Variants in KCNIP1 observed in about 807,000 individuals in gnomAD.
The protein encoded by KCNIP1 is potassium voltage-gated channel interacting protein 1.
A neutral mutation model predicts 33.0 loss-of-function variants in KCNIP1; 18 were observed. That is an observed-to-expected ratio of 0.55 (90% confidence interval 0.38 to 0.81). The LOEUF (loss-of-function observed/expected upper bound fraction) is 0.81, where lower values mean the gene tolerates loss of function less well. KCNIP1 is among the 30% of genes least tolerant of loss of function. The pLI, the probability that KCNIP1 is intolerant of heterozygous loss-of-function variation, is 0.00. For missense variants in KCNIP1, 238 were observed against 271.6 expected (o/e 0.88, Z 0.87); for synonymous variants, 93 against 98.3 (o/e 0.95, Z 0.32).
intron 1 of KCNIP1, among the ~76,000 whole-genome samples, chr5:170,414,253 T>C (rs993905): frequency 0.68 from 103,964 of 152,180 alleles, 35,732 homozygotes; most frequent in African/African-American, 0.75. Context: ...CCGATGAAGC[T>C]TTTTAGGAAA....
At chr5:170,502,583 GA>G (rs1426263184), upstream of KCNIP1, among the ~76,000 whole-genome samples, 1 of 152,184 alleles carries the variant, frequency 6.6e-6, no homozygotes, top group African/African-American at 2.4e-5. Context: ...GGTGTATTAT[GA>G]GCCTTGGGTC....
intron 1 of KCNIP1, among the ~76,000 whole-genome samples, chr5:170,355,734 T>C (rs1464349680): frequency 6.6e-6 from 1 of 152,226 alleles, no homozygotes; most frequent in Non-Finnish European, 1.5e-5. Context: ...AGGAACCAGC[T>C]GGAGAGTCAG....
intron 1 of KCNIP1, among the ~76,000 whole-genome samples, chr5:170,425,972 G>T (rs1323310146): frequency 6.6e-6 from 1 of 152,208 alleles, no homozygotes; most frequent in Non-Finnish European, 1.5e-5. Context: ...CTAGGACTCA[G>T]GCATTTTCTC....
intron 1 of KCNIP1, among the ~76,000 whole-genome samples, chr5:170,716,614 T>C (rs370281341): frequency 1.6e-4 from 24 of 152,344 alleles, no homozygotes; most frequent in East Asian, 7.7e-4. Context: ...TAGAAGTTGA[T>C]CCTGCTACCC....
At chr5:170,612,690 G>A (rs1013111784) in intron 1 of KCNIP1, among the ~76,000 whole-genome samples, 2 of 152,306 alleles carry the variant, frequency 1.3e-5, no homozygotes, top group South Asian at 2.1e-4. Context: ...GAGAACAGAC[G>A]GATCGCCCTG....
intron 1 of KCNIP1, among the ~76,000 whole-genome samples, chr5:170,674,281 T>C (rs1762046519): frequency 6.6e-6 from 1 of 152,168 alleles, no homozygotes; most frequent in Non-Finnish European, 1.5e-5. Context: ...GAATTGGAAT[T>C]TCTGTTGAAA....
intron 1 of KCNIP1, among the ~76,000 whole-genome samples, chr5:170,447,033 G>C (rs1441114948): frequency 6.6e-6 from 1 of 151,870 alleles, no homozygotes; most frequent in Non-Finnish European, 1.5e-5. Flanking sequence ...TCACCCCCTT[G>C]AAGCTCAGGT....
chr5:170,721,255 C>G (rs1763811378), intron 3 of KCNIP1, among the ~76,000 whole-genome samples: 1 of 152,220 alleles, frequency 6.6e-6, no homozygotes, highest in South Asian at 2.1e-4. Flanking sequence ...TTGTCCCATG[C>G]AGGCCCCAGA....
chr5:170,473,046 G>A (rs1007939737), intron 1 of KCNIP1, among the ~76,000 whole-genome samples: 3 of 152,242 alleles, frequency 2.0e-5, no homozygotes, highest in South Asian at 2.1e-4. Flanking sequence ...ACATTCCAAC[G>A]AGCAGTGTAG....
At chr5:170,414,784 C>G (rs962334212) in intron 1 of KCNIP1, among the ~76,000 whole-genome samples, 21 of 152,204 alleles carry the variant, frequency 1.4e-4, no homozygotes, top group Non-Finnish European at 2.9e-5. Context: ...CTATCAAAAT[C>G]TACTTGAGCT....
At chr5:170,424,207 A>C (rs1755563552) in intron 1 of KCNIP1, among the ~76,000 whole-genome samples, 1 of 152,168 alleles carries the variant, frequency 6.6e-6, no homozygotes, top group South Asian at 2.1e-4. Flanking sequence ...CAGGAGACTG[A>C]GGGAGGGATG....
chr5:170,652,482 T>TAAAA (rs140299038), intron 1 of KCNIP1, among the ~76,000 whole-genome samples: 1 of 109,768 alleles, frequency 9.1e-6, no homozygotes, highest in South Asian at 3.2e-4. Context: ...GAGACCCTAT[T>TAAAA]AAAAAAAAAA....
At chr5:170,524,392 G>A (rs1041444620) in intron 1 of KCNIP1, among the ~76,000 whole-genome samples, 2 of 152,176 alleles carry the variant, frequency 1.3e-5, no homozygotes, top group Non-Finnish European at 2.9e-5. Flanking sequence ...TGAATGTTCT[G>A]GACTCTGGAG....
rs1355933885 is a variant in KCNIP1 at position 170,385,608 on chromosome 5, G to A, written c.88+31644G>A. 3 of 861,438 alleles carry A rather than the reference G, an allele frequency of 3.5e-6. No individual in the cohort carries two copies. In the African/African-American group the frequency reaches 5.1e-5, roughly 15 times the overall value. 53.4% of individuals were successfully genotyped at this position (861,438 alleles called of 1,614,324 possible). ...TATATTTGGAGCTTTGCAACTTCCA[G>A]AAGTCTTGCTTTTTGGACCCCATGT... On this transcript the variant is annotated intron_variant, in intron 1 of 7. Coordinates refer to the KCNIP1 transcript ENST00000377360.
chr5:170,365,952 C>T (rs1430356638), intron 1 of KCNIP1, among the ~76,000 whole-genome samples: 1 of 152,182 alleles, frequency 6.6e-6, no homozygotes, highest in African/African-American at 2.4e-5. Context: ...CAGGGCTGAG[C>T]TTAAATCTCC....
intron 1 of KCNIP1, among the ~76,000 whole-genome samples, chr5:170,538,681 C>A (rs1229542122): frequency 2.0e-5 from 3 of 151,294 alleles, no homozygotes; most frequent in Non-Finnish European, 4.4e-5. Context: ...CCCCAAAACT[C>A]TCAGTTTATG....
At chr5:170,409,051 G>C (rs145736137) in intron 1 of KCNIP1, among the ~76,000 whole-genome samples, 1 of 152,196 alleles carries the variant, frequency 6.6e-6, no homozygotes, top group East Asian at 1.9e-4. Context: ...AGTACGGGGA[G>C]AGGCTCTATT....
At chr5:170,477,733 C>T (rs906968053) in intron 1 of KCNIP1, among the ~76,000 whole-genome samples, 16 of 152,166 alleles carry the variant, frequency 1.1e-4, no homozygotes, top group African/African-American at 3.9e-4. Context: ...TGAGTGAAAG[C>T]ACCTGGCCGG....
At chr5:170,437,519 G>GA (rs1755893128) in intron 1 of KCNIP1, among the ~76,000 whole-genome samples, 1 of 152,218 alleles carries the variant, frequency 6.6e-6, no homozygotes, top group Non-Finnish European at 1.5e-5. Flanking sequence ...CAAGAGACAT[G>GA]AAGCAACCTT....
Sources: gnomAD v4.1 joint callset for allele counts (sites outside exome capture counted in the v4.1 genomes callset) on GRCh38, gnomAD v4.1.1 for gene constraint, MANE v1.5 for transcripts, NCBI Gene and HGNC (gene_info 2026-07-23, HGNC 2026-07-21) for gene names.